The following BTBD9 variants were observed in gnomAD, a reference collection of about 807,000 sequenced individuals.
BTBD9 encodes the protein BTB domain containing 9.
A neutral mutation model predicts 64.3 loss-of-function variants in BTBD9; 49 were observed. The observed-to-expected ratio is 0.76, with a 90% CI of 0.61 to 0.97. The LOEUF (loss-of-function observed/expected upper bound fraction) is 0.97, where lower values mean the gene tolerates loss of function less well. BTBD9 is among the 50% of genes least tolerant of loss of function. The probability of loss-of-function intolerance (pLI) is 0.00; values close to 1 mark genes in which losing one functional copy is unlikely to be tolerated. For synonymous variants in BTBD9, 260 were observed against 274.7 expected, an observed-to-expected ratio of 0.95 and a Z score of 0.53; for missense variants, 598 against 762.1, an observed-to-expected ratio of 0.78 and a Z score of 2.53.
At position 38,346,908 on chromosome 6, in the gene BTBD9, T is replaced by A. The variant is rs548962419; in HGVS notation, c.1155-1815A>T. On this transcript the variant is annotated intron_variant, in intron 6 of 10. Transcript: ENST00000481247. ...TGTGGTTTAGTGGAATTTGATCAGA[T>A]CATTTCGCTATTCTCTAGCTCAAGT... Among the ~76,000 whole-genome samples, 3 of 152,282 alleles carry A rather than the reference T, an allele frequency of 2.0e-5. 1 individual carries two copies. The highest frequency in any genetic ancestry group is 6.5e-5 in the Admixed American group (1 of 15,304).
chr6:38,381,973 C>T (rs576629752), intron 6 of BTBD9, among the ~76,000 whole-genome samples: 1 of 152,254 alleles, frequency 6.6e-6, no homozygotes, highest in South Asian at 2.1e-4. Context: ...TGTGGGATGA[C>T]ATCACTAAAA....
At chr6:38,312,388 G>A (rs967328147) in intron 7 of BTBD9, among the ~76,000 whole-genome samples, 1 of 152,074 alleles carries the variant, frequency 6.6e-6, no homozygotes, top group Non-Finnish European at 1.5e-5. Context: ...TTCTTTTGCT[G>A]TGCAGAAGCT....
At chr6:38,491,752 A>G (rs921481697) in intron 6 of BTBD9, among the ~76,000 whole-genome samples, 2 of 152,200 alleles carry the variant, frequency 1.3e-5, no homozygotes. Context: ...GCAATGAAGG[A>G]AGAAAAACAA....
At chr6:38,229,888 A>C (rs1763535995) in intron 9 of BTBD9, among the ~76,000 whole-genome samples, 1 of 152,174 alleles carries the variant, frequency 6.6e-6, no homozygotes, top group South Asian at 2.1e-4. Flanking sequence ...GCTTTGTCTC[A>C]TCCAGAAACC....
intron 6 of BTBD9, among the ~76,000 whole-genome samples, chr6:38,445,974 T>C (rs1428910860): frequency 1.3e-5 from 2 of 152,150 alleles, no homozygotes; most frequent in African/African-American, 4.8e-5. Flanking sequence ...ATTTAGACGG[T>C]AGTTGAAAGA....
chr6:38,419,753 C>T (rs977609224), intron 6 of BTBD9, among the ~76,000 whole-genome samples: 3 of 152,014 alleles, frequency 2.0e-5, no homozygotes, highest in South Asian at 4.1e-4. Context: ...GCCTGTAATC[C>T]CAGCTACTCA....
Position 38,279,621 on chromosome 6 carries a change from T to C in BTBD9, c.1454+8651A>G, listed in dbSNP as rs61686963. On this transcript the variant is annotated intron_variant, in intron 8 of 10. Coordinates refer to ENST00000481247, the MANE Select transcript of BTBD9 (RefSeq NM_001099272.2). ...ATAGCTGCATTTCTGTGACCCCGTG[T>C]GGCCTATCCTGGGGCAGCAGCATAT... is the stretch of plus-strand genomic sequence containing the variant. 5.0e-3 allele frequency among the ~76,000 whole-genome samples: 769 copies of C among 152,314 alleles called. 5 individuals are homozygous for C. Among genetic ancestry groups the C allele is most frequent in the African/African-American group, 0.018 (732 of 41,572 alleles).
At chr6:38,585,512 A>G (rs1198883395) in intron 4 of BTBD9, among the ~76,000 whole-genome samples, 1 of 152,062 alleles carries the variant, frequency 6.6e-6, no homozygotes, top group East Asian at 1.9e-4. Context: ...ATCTCACTAT[A>G]TTGCCCAGGC....
chr6:38,287,109 TACACACACACACAC>T lies in BTBD9; in HGVS notation c.1454+1149_1454+1162del, dbSNP rs70981534. On this transcript the variant is annotated intron_variant, in intron 8 of 10. Coordinates refer to ENST00000481247, the MANE Select transcript of BTBD9 (RefSeq NM_001099272.2). Reference sequence around the variant, plus strand: ...AAAAAAAAAAAAAAAAAAAAAAATATACACACACACACACACACACACACACACACACACATATA... The same window carrying T: ...AAAAAAAAAAAAAAAAAAAAAAATATACACACACACACACACACACATATA... Among the ~76,000 whole-genome samples, 71 of 87,020 alleles carry T rather than the reference TACACACACACACAC, an allele frequency of 8.2e-4. 1 individual carries two copies. In the East Asian group the frequency reaches 0.011, roughly 13 times the overall value. 57.1% of individuals were successfully genotyped at this position (87,020 alleles called of 152,430 possible).
intron 7 of BTBD9, among the ~76,000 whole-genome samples, chr6:38,307,043 T>C (rs1762652288): frequency 6.6e-6 from 1 of 152,228 alleles, no homozygotes; most frequent in East Asian, 1.9e-4. Context: ...AGATAACTAT[T>C]AGCTTAAGGT....
rs56046321 is a variant in BTBD9, at chr6:38,171,555, G to GGTGTGT, written c.*3424_*3429dup. ...AAAGCACTGAGAAAATGGTAAAACG[G>GGTGTGT]GTGTGTGTGTGTGTGTGTGTGTGTG... On this transcript the variant is annotated 3_prime_UTR_variant, in exon 11 of 11. Transcript: ENST00000481247. 18 of 122,944 alleles carry GGTGTGT rather than the reference G, an allele frequency of 1.5e-4. No individual in the cohort carries two copies. The highest frequency in any genetic ancestry group is 1.4e-3 in the East Asian group (5 of 3,612). 7.6% of individuals were successfully genotyped at this position (122,944 alleles called of 1,614,324 possible). A position where few individuals can be genotyped will look rare whatever the true frequency, so the allele number is the denominator to read the frequency against.
At chr6:38,593,837 T>A in intron 3 of BTBD9, 127 bp downstream of exon 3, 1 of 836,390 alleles carries the variant, frequency 1.2e-6, no homozygotes, top group Non-Finnish European at 1.8e-6. Flanking sequence ...CTAGACCAGA[T>A]AACCAATGAT....
chr6:38,177,894 A>C (rs1318495141), intron 10 of BTBD9, among the ~76,000 whole-genome samples: 1 of 152,224 alleles, frequency 6.6e-6, no homozygotes, highest in African/African-American at 2.4e-5. Flanking sequence ...TCCTATGGAT[A>C]TTTCTTCTAA....
chr6:38,189,382 G>A (rs1471763198), intron 10 of BTBD9, among the ~76,000 whole-genome samples: 1 of 152,196 alleles, frequency 6.6e-6, no homozygotes, highest in African/African-American at 2.4e-5. Context: ...TCTAAGATAG[G>A]TGTTACAACA....
chr6:38,257,579 A>G (rs1027569398), intron 8 of BTBD9, among the ~76,000 whole-genome samples: 16 of 152,196 alleles, frequency 1.1e-4, no homozygotes, highest in Non-Finnish European at 1.8e-4. Context: ...TCTTATTCTC[A>G]CCAGGATTTT....
At chr6:38,623,877 T>C (rs1778082552) in intron 1 of BTBD9, among the ~76,000 whole-genome samples, 1 of 152,230 alleles carries the variant, frequency 6.6e-6, no homozygotes, top group Non-Finnish European at 1.5e-5. Flanking sequence ...CAAGGACCCC[T>C]GGACTGACCC....
intron 9 of BTBD9, among the ~76,000 whole-genome samples, chr6:38,225,842 T>C (rs1763376696): frequency 6.6e-6 from 1 of 152,220 alleles, no homozygotes; most frequent in African/African-American, 2.4e-5. Flanking sequence ...CTGATGTTTG[T>C]ATAGAGTTTT....
At chr6:38,343,252 C>G (rs902523751) in intron 7 of BTBD9, among the ~76,000 whole-genome samples, 22 of 152,186 alleles carry the variant, frequency 1.4e-4, no homozygotes, top group Admixed American at 1.2e-3. Flanking sequence ...TCAATTTGGA[C>G]AAAACATGCA....
chr6:38,332,948 C>T lies in BTBD9; in HGVS notation c.1264+12036G>A, dbSNP rs184690947. Among the ~76,000 whole-genome samples, 69 of 152,332 alleles carry T rather than the reference C, an allele frequency of 4.5e-4. No homozygotes were observed. The East Asian group carries it at 0.013, about 29-fold the overall frequency. The stretch of plus-strand genomic sequence containing the variant: ...TAAAAACTCCAGCAGATCTCCTTGT[C>T]ATGCTTACTTCACAGCAACAGAATT... On this transcript the variant is annotated intron_variant, in intron 7 of 10. Coordinates refer to ENST00000481247, the MANE Select transcript of BTBD9 (RefSeq NM_001099272.2).
Sources: allele counts gnomAD v4.1 joint callset (sites outside exome capture counted in the v4.1 genomes callset), GRCh38; gene constraint gnomAD v4.1.1; transcripts MANE v1.5; gene names NCBI Gene and HGNC (gene_info 2026-07-23, HGNC 2026-07-21).